CAMTA1: variants seen among roughly 807,000 people sequenced by gnomAD.
CAMTA1 encodes the protein calmodulin-binding transcription activator 1.
Under a neutral mutation model 170.9 loss-of-function variants are expected in CAMTA1, and 27 were observed. That is an observed-to-expected ratio of 0.16 (90% CI 0.12 to 0.22). The LOEUF (loss-of-function observed/expected upper bound fraction) is 0.22. Ranked by LOEUF, CAMTA1 falls within the 10% of genes least tolerant of loss-of-function variation. The pLI is 1.00. For missense variants in CAMTA1, 1,619 were observed against 2,217.2 expected (o/e 0.73, Z 5.42); for synonymous variants, 833 against 891.5 (o/e 0.93, Z 1.17).
At chr1:7,353,041 G>A (rs185388663) in intron 5 of CAMTA1, among the ~76,000 whole-genome samples, 14 of 152,314 alleles carry the variant, frequency 9.2e-5, no homozygotes, top group African/African-American at 3.4e-4. Flanking sequence ...TGACCGCCTG[G>A]TGAAAGGAAT....
chr1:7,520,237 TCTCC>T (rs2094345919), intron 6 of CAMTA1, among the ~76,000 whole-genome samples: 1 of 4,384 alleles, frequency 2.3e-4, no homozygotes, highest in African/African-American at 6.1e-4. Flanking sequence ...TCCCTCCTCC[TCTCC>T]CCTCCTCTTC....
intron 6 of CAMTA1, among the ~76,000 whole-genome samples, chr1:7,500,083 G>A: frequency 6.7e-6 from 1 of 148,274 alleles, no homozygotes; most frequent in East Asian, 2.0e-4. Context: ...GTGTGTGCAT[G>A]TGTGTCCATG....
chr1:6,904,740 T>G (rs1677968229), intron 3 of CAMTA1, among the ~76,000 whole-genome samples: 2 of 122,706 alleles, frequency 1.6e-5, no homozygotes, highest in Non-Finnish European at 3.3e-5. Flanking sequence ...CTAATTTTTT[T>G]TTTTTTTTTT....
intron 5 of CAMTA1, among the ~76,000 whole-genome samples, chr1:7,372,431 G>A (rs2086541508): frequency 1.3e-5 from 2 of 152,170 alleles, no homozygotes; most frequent in South Asian, 4.2e-4. Flanking sequence ...TTTTTCAAAA[G>A]CTCAAAAGTA....
At chr1:7,386,487 G>A (rs983901220) in intron 5 of CAMTA1, among the ~76,000 whole-genome samples, 1 of 152,204 alleles carries the variant, frequency 6.6e-6, no homozygotes, top group Non-Finnish European at 1.5e-5. Flanking sequence ...TGGGCCCTCA[G>A]CCTGCTCGGT....
At chr1:7,241,655 T>G (rs1369766376) in intron 4 of CAMTA1, among the ~76,000 whole-genome samples, 1 of 152,190 alleles carries the variant, frequency 6.6e-6, no homozygotes, top group East Asian at 1.9e-4. Context: ...GGTCAATTTA[T>G]TTTCAACAAA....
At chr1:7,703,930 G>A (rs2149531589) in intron 11 of CAMTA1, among the ~76,000 whole-genome samples, 1 of 152,240 alleles carries the variant, frequency 6.6e-6, no homozygotes, top group South Asian at 2.1e-4. Context: ...ACTTTGGAAC[G>A]CGGAGGTTAG....
intron 4 of CAMTA1, among the ~76,000 whole-genome samples, chr1:7,107,311 C>T (rs1229162426): frequency 1.1e-5 from 1 of 90,378 alleles, no homozygotes; most frequent in Non-Finnish European, 2.1e-5. Context: ...TGCGCGCCCA[C>T]ACACACAGCT....
chr1:6,801,844 C>T (rs760699728), intron 1 of CAMTA1, among the ~76,000 whole-genome samples: 1 of 151,176 alleles, frequency 6.6e-6, no homozygotes, highest in African/African-American at 2.4e-5. Context: ...GGTAATCAGG[C>T]CCTGAGGTTC....
intron 3 of CAMTA1, among the ~76,000 whole-genome samples, chr1:6,868,266 G>C (rs1213546753): frequency 6.7e-6 from 1 of 149,270 alleles, no homozygotes; most frequent in Non-Finnish European, 1.5e-5. Context: ...CCAAGATCTT[G>C]CTACTGCACT....
At chr1:7,690,826 C>T (rs1036938749) in intron 11 of CAMTA1, among the ~76,000 whole-genome samples, 2 of 152,210 alleles carry the variant, frequency 1.3e-5, no homozygotes, top group Non-Finnish European at 2.9e-5. Flanking sequence ...CCCCATCATC[C>T]GCTCTTGACC....
chr1:7,027,038 C>G (rs964943468), intron 3 of CAMTA1, among the ~76,000 whole-genome samples: 3 of 152,076 alleles, frequency 2.0e-5, no homozygotes, highest in Admixed American at 6.5e-5. Flanking sequence ...GTGGCAGAGT[C>G]AGGCCTGGGC....
At chr1:7,301,356 C>T (rs1674729776) in intron 5 of CAMTA1, among the ~76,000 whole-genome samples, 1 of 152,216 alleles carries the variant, frequency 6.6e-6, no homozygotes, top group Admixed American at 6.5e-5. Flanking sequence ...TGGAAAAATA[C>T]AGATCTGCTC....
intron 6 of CAMTA1, among the ~76,000 whole-genome samples, chr1:7,498,166 G>A (rs1443240627): frequency 2.2e-5 from 3 of 138,666 alleles, no homozygotes; most frequent in Non-Finnish European, 4.6e-5. Flanking sequence ...TTGTGAGTGT[G>A]TGTGCATGTG....
At chr1:7,524,882 C>A (rs922303819) in intron 6 of CAMTA1, among the ~76,000 whole-genome samples, 1 of 152,164 alleles carries the variant, frequency 6.6e-6, no homozygotes, top group Non-Finnish European at 1.5e-5. Context: ...TTGGCTGAGC[C>A]TTCTGTCCTG....
intron 3 of CAMTA1, among the ~76,000 whole-genome samples, chr1:6,968,533 A>G (rs1004051625): frequency 7.9e-5 from 12 of 152,098 alleles, no homozygotes; most frequent in Non-Finnish European, 1.6e-4. Context: ...TGGGCAGTGC[A>G]TATGGTCCTT....
intron 6 of CAMTA1, among the ~76,000 whole-genome samples, chr1:7,471,648 C>T (rs959073922): frequency 6.6e-6 from 1 of 152,270 alleles, no homozygotes; most frequent in African/African-American, 2.4e-5. Flanking sequence ...GCAGGCAGTG[C>T]TCCGTTCTCC....
chr1:7,284,124 CTGT>C (rs1553121673), intron 5 of CAMTA1, among the ~76,000 whole-genome samples: 1 of 136,772 alleles, frequency 7.3e-6, no homozygotes, highest in Non-Finnish European at 1.6e-5. Flanking sequence ...GTATTTGCTG[CTGT>C]TCTTCTTCTT....
intron 5 of CAMTA1, among the ~76,000 whole-genome samples, chr1:7,268,676 G>T (rs1456877454): frequency 1.3e-5 from 2 of 152,180 alleles, no homozygotes. Context: ...TAATGCAAGT[G>T]CCTAACAAAG....
Sources: allele counts gnomAD v4.1 joint callset (sites outside exome capture counted in the v4.1 genomes callset), GRCh38; gene constraint gnomAD v4.1.1; transcripts MANE v1.5; gene names NCBI Gene and HGNC (gene_info 2026-07-23, HGNC 2026-07-21).